WWOX: variants seen among roughly 807,000 people sequenced by gnomAD.
WWOX encodes WW domain-containing oxidoreductase.
Under a neutral mutation model 46.2 loss-of-function variants are expected in WWOX, and 69 were observed. The ratio of observed to expected loss-of-function variants is 1.49; its 90% CI spans 1.23 to 1.82. The LOEUF (loss-of-function observed/expected upper bound fraction) is 1.82, where lower values mean the gene tolerates loss of function less well. Ranked by LOEUF, WWOX falls within the 40% of genes most tolerant of loss-of-function variation. WWOX has a pLI of 0.00. For missense variants in WWOX, 919 were observed against 542.6 expected (o/e 1.69, Z -6.89); for synonymous variants, 359 against 202.6 (o/e 1.77, Z -6.56).
chr16:78,739,965 C>G (rs1391542018), intron 8 of WWOX, among the ~76,000 whole-genome samples: 4 of 152,140 alleles, frequency 2.6e-5, no homozygotes, highest in African/African-American at 9.7e-5. Context: ...CTTACTCTCT[C>G]TAAATTATCT....
At chr16:79,206,368 A>C (rs984121596) in intron 8 of WWOX, 1 of 152,212 alleles carries the variant, frequency 6.6e-6, no homozygotes, top group Non-Finnish European at 1.5e-5. Context: ...ACGGACACGG[A>C]GTCTGAAGTC....
chr16:78,916,926 T>C (rs2045265204), intron 8 of WWOX, among the ~76,000 whole-genome samples: 2 of 152,118 alleles, frequency 1.3e-5, no homozygotes, highest in Non-Finnish European at 2.9e-5. Context: ...CAGGTAAAGC[T>C]TGACCCAGGG....
intron 4 of WWOX, among the ~76,000 whole-genome samples, chr16:78,151,066 G>T (rs573084058): frequency 2.2e-4 from 32 of 146,110 alleles, no homozygotes; most frequent in African/African-American, 8.1e-4. Flanking sequence ...TTTTAGAGAT[G>T]GGATCTCACT....
chr16:78,854,626 A>G (rs1027035673), intron 8 of WWOX, among the ~76,000 whole-genome samples: 1 of 152,078 alleles, frequency 6.6e-6, no homozygotes, highest in Admixed American at 6.5e-5. Context: ...TGTCACCCAG[A>G]CTGGAGTGCA....
intron 8 of WWOX, among the ~76,000 whole-genome samples, chr16:78,834,920 A>G (rs59522210): frequency 0.013 from 2,034 of 152,304 alleles, 49 homozygotes; most frequent in African/African-American, 0.045. Context: ...AGTCTGAGCA[A>G]TCATATTAGC....
chr16:78,302,214 GC>G (rs1313912952), intron 5 of WWOX, among the ~76,000 whole-genome samples: 2 of 152,136 alleles, frequency 1.3e-5, no homozygotes, highest in South Asian at 2.1e-4. Flanking sequence ...GCCTGCCTTG[GC>G]CTCCCAAAGT....
intron 8 of WWOX, among the ~76,000 whole-genome samples, chr16:78,808,617 T>C (rs986264172): frequency 1.3e-5 from 2 of 152,162 alleles, no homozygotes; most frequent in African/African-American, 4.8e-5. Context: ...GCTTCATTGG[T>C]TTAAAATAAA....
At chr16:79,016,491 C>T (rs527493033) in intron 8 of WWOX, 2 of 152,418 alleles carry the variant, frequency 1.3e-5, no homozygotes, top group African/African-American at 4.8e-5. Context: ...GGTGCAATCT[C>T]AGCTCACTGC....
intron 8 of WWOX, among the ~76,000 whole-genome samples, chr16:78,817,172 C>CTTTTTTTTTTTTTTTTTTTTTTTTTTTT (rs33981779): frequency 1.9e-5 from 1 of 51,596 alleles, no homozygotes; most frequent in Non-Finnish European, 3.4e-5. Context: ...TAGTGCTATT[C>CTTTTTTTTTTTTTTTTTTTTTTTTTTTT]TTTTTTTTTT....
chr16:78,330,903 T>A (rs1403494763), intron 5 of WWOX, among the ~76,000 whole-genome samples: 1 of 152,230 alleles, frequency 6.6e-6, no homozygotes, highest in Non-Finnish European at 1.5e-5. Flanking sequence ...TTATTTTCAA[T>A]ACAGTTAGTC....
chr16:78,923,583 A>G (rs1262616906), intron 8 of WWOX, among the ~76,000 whole-genome samples: 2 of 152,080 alleles, frequency 1.3e-5, no homozygotes, highest in Non-Finnish European at 2.9e-5. Flanking sequence ...GTGTGTTAGC[A>G]GCTTTTTCTA....
intron 8 of WWOX, among the ~76,000 whole-genome samples, chr16:79,001,892 C>A (rs1030833356): frequency 6.6e-6 from 1 of 152,068 alleles, no homozygotes; most frequent in African/African-American, 2.4e-5. Flanking sequence ...AGAGCAACCT[C>A]TTGGCTTATC....
chr16:78,311,063 C>T (rs2080233212), intron 5 of WWOX, among the ~76,000 whole-genome samples: 1 of 152,182 alleles, frequency 6.6e-6, no homozygotes, highest in Non-Finnish European at 1.5e-5. Context: ...TGTGAATAGT[C>T]TCCCAGAAGC....
chr16:78,376,401 T>C (rs2081826690), intron 5 of WWOX, among the ~76,000 whole-genome samples: 1 of 152,212 alleles, frequency 6.6e-6, no homozygotes, highest in South Asian at 2.1e-4. Flanking sequence ...TGGAAGGATT[T>C]GAACCAGGCT....
chr16:78,823,394 A>G (rs867176199), intron 8 of WWOX, among the ~76,000 whole-genome samples: 7 of 152,186 alleles, frequency 4.6e-5, no homozygotes, highest in African/African-American at 9.7e-5. Context: ...TCCAGGTTCA[A>G]TAAGAGGCAG....
intron 6 of WWOX, among the ~76,000 whole-genome samples, chr16:78,396,362 A>T (rs147847083): frequency 1.1e-3 from 173 of 152,326 alleles, no homozygotes; most frequent in Non-Finnish European, 1.9e-3. Flanking sequence ...GCCAAGACAT[A>T]AATGAAAATG....
At chr16:79,093,157 GA>G (rs981972160) in intron 8 of WWOX, among the ~76,000 whole-genome samples, 1 of 151,654 alleles carries the variant, frequency 6.6e-6, no homozygotes, top group African/African-American at 2.4e-5. Flanking sequence ...ACTTCTAAAG[GA>G]AAAAAAATGG....
chr16:78,885,945 G>C (rs1027354071), intron 8 of WWOX, among the ~76,000 whole-genome samples: 6 of 78,360 alleles, frequency 7.7e-5, no homozygotes, highest in African/African-American at 2.1e-4. Context: ...TTTTTTTTGA[G>C]ACAGAGTTTT....
At chr16:78,438,569 G>A (rs2083381070) in intron 8 of WWOX, among the ~76,000 whole-genome samples, 1 of 152,014 alleles carries the variant, frequency 6.6e-6, no homozygotes, top group African/African-American at 2.4e-5. Flanking sequence ...GTTGAGCACT[G>A]TCACTTGCCT....
Sources: allele counts gnomAD v4.1 joint callset (sites outside exome capture counted in the v4.1 genomes callset), GRCh38; gene constraint gnomAD v4.1.1; transcripts MANE v1.5; gene names NCBI Gene and HGNC (gene_info 2026-07-23, HGNC 2026-07-21).